Variants in DIP2B observed in about 807,000 individuals in gnomAD.
DIP2B encodes disco-interacting protein 2 homolog B.
DIP2B carries 76 observed loss-of-function variants against 198.0 expected under a neutral mutation model. The observed-to-expected ratio is 0.38, with a 90% CI of 0.32 to 0.46. The LOEUF is 0.46. DIP2B is among the 20% of genes least tolerant of loss of function. The pLI, the probability that DIP2B is intolerant of heterozygous loss-of-function variation, is 0.99. For missense variants in DIP2B, 1,559 were observed against 1,978.4 expected, an observed-to-expected ratio of 0.79 and a Z score of 4.02; for synonymous variants, 701 against 739.1, an observed-to-expected ratio of 0.95 and a Z score of 0.84.
At chr12:50,537,114 ATTTTTTTTTTTTT>A (rs34202995) in intron 1 of DIP2B, among the ~76,000 whole-genome samples, 6 of 32,238 alleles carry the variant, frequency 1.9e-4, no homozygotes, top group African/African-American at 6.3e-4. Flanking sequence ...TTATTCTCTA[ATTTTTTTTTTTTT>A]TTTTTTTTTT....
At chr12:50,658,106 GAA>G (rs1446980854) in intron 3 of DIP2B, among the ~76,000 whole-genome samples, 3 of 148,890 alleles carry the variant, frequency 2.0e-5, no homozygotes, top group Non-Finnish European at 4.5e-5. Context: ...AAAAAAGAAA[GAA>G]AAAAAAGAAA....
rs1234574517 is a variant in DIP2B at position 50,747,786 on chromosome 12, G to C, written c.*2947G>C. 6.6e-6 allele frequency: 1 copy of C among 152,210 alleles called. No homozygotes were observed. The highest frequency in any genetic ancestry group is 2.1e-4 in the South Asian group (1 of 4,834). The allele number at this position is 152,210 out of a possible 1,614,324, so 9.4% of individuals were successfully genotyped here. A position where few individuals can be genotyped will look rare whatever the true frequency, so the allele number is the denominator to read the frequency against. Reference sequence around the variant, plus strand: ...TTAAGAGAAATCTATTGGTCTGAAGGTTTCTGAACCTCTTTCTGGTTCTCA... The same window carrying C: ...TTAAGAGAAATCTATTGGTCTGAAGCTTTCTGAACCTCTTTCTGGTTCTCA... On this transcript the variant is annotated 3_prime_UTR_variant, in exon 38 of 38. Coordinates refer to ENST00000301180, the MANE Select transcript of DIP2B (RefSeq NM_173602.3).
chr12:50,513,459 T>C (rs1958036062), intron 1 of DIP2B, among the ~76,000 whole-genome samples: 1 of 152,226 alleles, frequency 6.6e-6, no homozygotes, highest in Non-Finnish European at 1.5e-5. Flanking sequence ...ACTTAGCATC[T>C]ACAAGCTATG....
intron 8 of DIP2B, chr12:50,679,100 G>C: frequency 3.7e-6 from 2 of 544,548 alleles, no homozygotes. Context: ...GCAAAAAGAA[G>C]AGAGACTTTG....
intron 37 of DIP2B, among the ~76,000 whole-genome samples, chr12:50,744,150 C>T (rs1475970696): frequency 6.6e-6 from 1 of 152,156 alleles, no homozygotes; most frequent in African/African-American, 2.4e-5. Flanking sequence ...TACGGGTGCT[C>T]ACCACCAAGT....
chr12:50,709,002 G>A (rs191290514), intron 22 of DIP2B, among the ~76,000 whole-genome samples: 74 of 152,322 alleles, frequency 4.9e-4, no homozygotes, highest in Middle Eastern at 3.4e-3. Flanking sequence ...GATGCTAGGT[G>A]AGATAAACCA....
chr12:50,680,586 TAC>T (rs1442923487), intron 8 of DIP2B, 84 bp from the exon 9 acceptor site: 2 of 1,281,124 alleles, frequency 1.6e-6, no homozygotes, highest in Non-Finnish European at 2.2e-6. Flanking sequence ...TCTCATTAAC[TAC>T]ACTGATGATC....
chr12:50,548,706 A>G (rs1234095906), intron 1 of DIP2B, among the ~76,000 whole-genome samples: 2 of 151,954 alleles, frequency 1.3e-5, no homozygotes, highest in Non-Finnish European at 2.9e-5. Context: ...TTATATTTTT[A>G]GTAGAGATGG....
intron 1 of DIP2B, among the ~76,000 whole-genome samples, chr12:50,556,837 G>A (rs909134442): frequency 1.3e-4 from 20 of 152,076 alleles, no homozygotes; most frequent in African/African-American, 3.9e-4. Flanking sequence ...AGCCTCCCAG[G>A]TAGCTGGGAT....
chr12:50,529,096 T>C (rs1367588368), intron 1 of DIP2B, among the ~76,000 whole-genome samples: 1 of 152,190 alleles, frequency 6.6e-6, no homozygotes, highest in African/African-American at 2.4e-5. Context: ...TACTTTCTTA[T>C]AGTTATTTTG....
At chr12:50,706,223 A>G (rs750505376) in intron 20 of DIP2B, among the ~76,000 whole-genome samples, 7 of 152,164 alleles carry the variant, frequency 4.6e-5, no homozygotes, top group Non-Finnish European at 1.0e-4. Flanking sequence ...TAACACATAA[A>G]TCATGGCTGG....
intron 1 of DIP2B, among the ~76,000 whole-genome samples, chr12:50,543,227 A>G (rs1174338529): frequency 6.6e-6 from 1 of 151,968 alleles, no homozygotes; most frequent in Non-Finnish European, 1.5e-5. Context: ...TCATGGGTAA[A>G]TTAATTAAGG....
chr12:50,698,910 T>C (rs1180250724), intron 18 of DIP2B, among the ~76,000 whole-genome samples, 156 bp from the exon 19 acceptor site: 1 of 152,246 alleles, frequency 6.6e-6, no homozygotes, highest in Non-Finnish European at 1.5e-5. Flanking sequence ...AATATACCTA[T>C]GTAGTTTCAG....
At chr12:50,583,530 C>T (rs934443423) in intron 1 of DIP2B, among the ~76,000 whole-genome samples, 8 of 152,064 alleles carry the variant, frequency 5.3e-5, no homozygotes, top group Non-Finnish European at 8.8e-5. Flanking sequence ...ACAGATGTCC[C>T]GATGTAGGAT....
intron 30 of DIP2B, among the ~76,000 whole-genome samples, chr12:50,730,661 ACAGG>A (rs1439761715): frequency 5.3e-5 from 8 of 152,166 alleles, no homozygotes; most frequent in African/African-American, 1.9e-4. Context: ...TACTGGGATT[ACAGG>A]CGTGAGCCAC....
chr12:50,729,729 TC>T (rs1940003242), intron 30 of DIP2B, among the ~76,000 whole-genome samples: 1 of 143,228 alleles, frequency 7.0e-6, no homozygotes, highest in African/African-American at 2.5e-5. Flanking sequence ...TTCTTTTTTT[TC>T]TTTTTCTTTT....
chr12:50,539,618 C>CAA (rs59642964), intron 1 of DIP2B, among the ~76,000 whole-genome samples: 4,489 of 132,806 alleles, frequency 0.034, 236 homozygotes, highest in East Asian at 0.11. Flanking sequence ...TACTCTGTCT[C>CAA]AAAAAAAAAA....
intron 30 of DIP2B, among the ~76,000 whole-genome samples, chr12:50,730,927 T>G (rs1391261555): frequency 6.6e-6 from 1 of 152,210 alleles, no homozygotes; most frequent in Non-Finnish European, 1.5e-5. Flanking sequence ...GATGTCAGTG[T>G]TCTTGATTCA....
At chr12:50,687,578 CT>C (rs1260299039) in intron 12 of DIP2B, among the ~76,000 whole-genome samples, 1 of 152,078 alleles carries the variant, frequency 6.6e-6, no homozygotes, top group Non-Finnish European at 1.5e-5. Context: ...AGTTCATGTC[CT>C]TTGCAGGACA....
Sources: allele counts gnomAD v4.1 joint callset (sites outside exome capture counted in the v4.1 genomes callset), GRCh38; gene constraint gnomAD v4.1.1; transcripts MANE v1.5; gene names NCBI Gene and HGNC (gene_info 2026-07-23, HGNC 2026-07-21).